STK32C: variants seen among roughly 807,000 people sequenced by gnomAD.
The protein encoded by STK32C is serine/threonine-protein kinase 32C.
A neutral mutation model predicts 56.5 loss-of-function variants in STK32C; 31 were observed. The ratio of observed to expected loss-of-function variants is 0.55; its 90% CI spans 0.41 to 0.74. The LOEUF (loss-of-function observed/expected upper bound fraction) is 0.74, where lower values mean the gene tolerates loss of function less well. STK32C is among the 30% of genes least tolerant of loss of function. The probability of loss-of-function intolerance (pLI) is 0.00; values close to 1 mark genes in which losing one functional copy is unlikely to be tolerated. For synonymous variants in STK32C, 309 were observed against 289.4 expected, an observed-to-expected ratio of 1.07 and a Z score of -0.69; for missense variants, 544 against 676.9, an observed-to-expected ratio of 0.80 and a Z score of 2.18.
chr10:132,299,192 A>G (rs978200128), intron 1 of STK32C, among the ~76,000 whole-genome samples: 1 of 151,620 alleles, frequency 6.6e-6, no homozygotes, highest in Non-Finnish European at 1.5e-5. Flanking sequence ...GACAAGACCC[A>G]GCAGCACAGA....
At chr10:132,297,382 C>G (rs2065781504) in intron 1 of STK32C, among the ~76,000 whole-genome samples, 1 of 152,204 alleles carries the variant, frequency 6.6e-6, no homozygotes, top group African/African-American at 2.4e-5. Context: ...CTGGTTAGCC[C>G]ACCCTGGGTT....
intron 4 of STK32C, among the ~76,000 whole-genome samples, chr10:132,226,386 C>T (rs1257457339): frequency 2.6e-5 from 4 of 152,172 alleles, no homozygotes; most frequent in Non-Finnish European, 4.4e-5. Context: ...GCCATCACAC[C>T]AGCTCTGCTT....
chr10:132,331,538 G>A (rs752084790), exon 1 of STK32C: 2 of 1,612,844 alleles, frequency 1.2e-6, no homozygotes, highest in African/African-American at 1.3e-5. Flanking sequence ...CCTGAGGCAA[G>A]ATTTGGGGAC....
chr10:132,316,154 C>T (rs2066305335), intron 1 of STK32C, among the ~76,000 whole-genome samples: 2 of 151,904 alleles, frequency 1.3e-5, no homozygotes, highest in African/African-American at 4.8e-5. Context: ...TTGTTGCATG[C>T]CATAAGTATA....
At chr10:132,330,681 T>G (rs1395534736) in intron 1 of STK32C, among the ~76,000 whole-genome samples, 2 of 150,352 alleles carry the variant, frequency 1.3e-5, no homozygotes, top group East Asian at 3.9e-4. Flanking sequence ...CATTTTTTTT[T>G]TTTTTTTTTT....
Position 132,208,224 on chromosome 10 carries a change from C to T in STK32C, c.1320-73G>A, listed in dbSNP as rs1017858460. 5.6e-5 allele frequency: 71 copies of T among 1,273,550 alleles called. No homozygotes were observed. In the East Asian group the frequency reaches 7.0e-4, roughly 13 times the overall value. The allele number at this position is 1,273,550 out of a possible 1,614,324, so 78.9% of individuals were successfully genotyped here. A position where few individuals can be genotyped will look rare whatever the true frequency, so the allele number is the denominator to read the frequency against. On this transcript the variant is annotated intron_variant, in intron 11 of 11. Transcript: ENST00000298630. ...GCCTCACGGTCCCATGACCTGCCCA[C>T]GGGCTCATGGGGTAGGCCATGGCGT...
chr10:132,230,721 C>CGCCA (rs1241619951), intron 2 of STK32C, among the ~76,000 whole-genome samples: 2 of 141,802 alleles, frequency 1.4e-5, no homozygotes, highest in African/African-American at 5.4e-5. Context: ...CCTGGAGCGG[C>CGCCA]GCCAGCACCC....
intron 1 of STK32C, among the ~76,000 whole-genome samples, chr10:132,266,791 A>AG (rs1364544618): frequency 1.4e-5 from 2 of 147,610 alleles, no homozygotes; most frequent in East Asian, 4.1e-4. Context: ...AGGGCACTGG[A>AG]GGGGGCTCCA....
At chr10:132,317,380 T>A (rs1305942011) in intron 1 of STK32C, among the ~76,000 whole-genome samples, 27 of 152,220 alleles carry the variant, frequency 1.8e-4, no homozygotes, top group Admixed American at 1.8e-3. Context: ...ATAAAATTCA[T>A]TCATTGGTCT....
intron 1 of STK32C, chr10:132,330,589 C>A (rs1305978540): frequency 2.8e-6 from 2 of 703,282 alleles, no homozygotes; most frequent in African/African-American, 1.8e-5. Context: ...CTCACTGCAG[C>A]CTCAAAATCC....
intron 1 of STK32C, among the ~76,000 whole-genome samples, chr10:132,271,719 G>A (rs971995709): frequency 6.6e-6 from 1 of 152,158 alleles, no homozygotes; most frequent in Admixed American, 6.5e-5. Context: ...AGTGACCTGG[G>A]ATCACCCGTT....
At chr10:132,289,785 C>T (rs1199538362) in intron 1 of STK32C, among the ~76,000 whole-genome samples, 1 of 152,178 alleles carries the variant, frequency 6.6e-6, no homozygotes, top group Non-Finnish European at 1.5e-5. Context: ...ACCCTTATCA[C>T]CTAAGTACCT....
chr10:132,293,598 G>A (rs200555256), intron 1 of STK32C, among the ~76,000 whole-genome samples: 2 of 152,256 alleles, frequency 1.3e-5, no homozygotes, highest in African/African-American at 2.4e-5. Context: ...CCAGGCACAC[G>A]GAGGGTGCCG....
chr10:132,299,982 C>T (rs916604210), intron 1 of STK32C, among the ~76,000 whole-genome samples: 2 of 152,200 alleles, frequency 1.3e-5, no homozygotes, highest in East Asian at 1.9e-4. Context: ...AAAACCCCCG[C>T]GGACTCCTGC....
intron 2 of STK32C, among the ~76,000 whole-genome samples, chr10:132,245,403 G>A (rs919024892): frequency 2.6e-5 from 4 of 152,238 alleles, no homozygotes; most frequent in Admixed American, 2.0e-4. Context: ...CAGGAAGTTA[G>A]ATCTGGTCAA....
At chr10:132,248,273 G>A (rs925236057) in intron 1 of STK32C, among the ~76,000 whole-genome samples, 3 of 152,234 alleles carry the variant, frequency 2.0e-5, no homozygotes, top group South Asian at 2.1e-4. Context: ...GTGGAGGGAG[G>A]AGAGTGAGAG....
intron 2 of STK32C, among the ~76,000 whole-genome samples, chr10:132,234,917 A>G (rs1157654531): frequency 6.6e-6 from 1 of 152,236 alleles, no homozygotes; most frequent in Non-Finnish European, 1.5e-5. Context: ...AGGGCAAGTG[A>G]TGTGGCTGTG....
intron 2 of STK32C, among the ~76,000 whole-genome samples, chr10:132,234,384 A>G (rs1307980748): frequency 6.6e-6 from 1 of 152,090 alleles, no homozygotes; most frequent in Non-Finnish European, 1.5e-5. Context: ...ATGCCTTGCC[A>G]CGGTCCCCTC....
At chr10:132,281,412 C>A (rs1452800529) in intron 1 of STK32C, among the ~76,000 whole-genome samples, 1 of 152,174 alleles carries the variant, frequency 6.6e-6, no homozygotes, top group East Asian at 1.9e-4. Flanking sequence ...ATAAAACAGA[C>A]AGTGCCCCAG....
Sources: allele counts gnomAD v4.1 joint callset (sites outside exome capture counted in the v4.1 genomes callset), GRCh38; gene constraint gnomAD v4.1.1; transcripts MANE v1.5; gene names NCBI Gene and HGNC (gene_info 2026-07-23, HGNC 2026-07-21).